Variants in GTPBP10 observed in about 807,000 individuals in gnomAD.
GTPBP10 encodes the protein GTP-binding protein 10.
GTPBP10 carries 38 observed loss-of-function variants against 44.8 expected under a neutral mutation model. The observed-to-expected ratio is 0.85, with a 90% CI of 0.65 to 1.11. The LOEUF (loss-of-function observed/expected upper bound fraction) is 1.11, where lower values mean the gene tolerates loss of function less well. Among genes scored for constraint, GTPBP10 ranks in the 50% most tolerant of loss-of-function variants. GTPBP10 has a pLI of 0.00. For synonymous variants in GTPBP10, 152 were observed against 150.6 expected (o/e 1.01, Z -0.07); for missense variants, 462 against 453.7 (o/e 1.02, Z -0.17).
chr7:90,377,848 A>G (rs529425113), intron 7 of GTPBP10: 71 of 266,358 alleles, frequency 2.7e-4, no homozygotes, highest in Non-Finnish European at 7.6e-5. Flanking sequence ...ATAGTATCAT[A>G]GTATCTCTTT....
chr7:90,358,009 C>T (rs1795940143), intron 4 of GTPBP10, among the ~76,000 whole-genome samples: 1 of 152,056 alleles, frequency 6.6e-6, no homozygotes, highest in African/African-American at 2.4e-5. Flanking sequence ...TGTTTGCCCA[C>T]CATATGATCT....
At chr7:90,350,109 C>T (rs181619964) in intron 1 of GTPBP10, among the ~76,000 whole-genome samples, 1 of 151,618 alleles carries the variant, frequency 6.6e-6, no homozygotes, top group Non-Finnish European at 1.5e-5. Flanking sequence ...GTGTGATGTT[C>T]CCCCCGTGTC....
chr7:90,347,450 T>G (rs1795699622), intron 1 of GTPBP10: 1 of 178,860 alleles, frequency 5.6e-6, no homozygotes, highest in Non-Finnish European at 1.1e-5. Context: ...TTAATGGAAC[T>G]GTAGAAACTC....
At chr7:90,351,917 C>G (rs749053018) in intron 1 of GTPBP10, among the ~76,000 whole-genome samples, 2 of 152,102 alleles carry the variant, frequency 1.3e-5, no homozygotes, top group African/African-American at 4.8e-5. Context: ...AGGATGGTCT[C>G]GATCTCCTGA....
Position 90,346,770 on chromosome 7 carries a change from G to T in GTPBP10, c.29G>T (p.Arg10Ile). ...GTGCATTGCAGTTGCGTGTTGTTCA[G>T]AAAGGTCCGTGCGGGTCCCCTCAGC... MVHCSCVLF[R>I]KYGNFIDKLR... is the part of the protein sequence containing the mutation. Residue 10 changes from arginine to isoleucine, a missense_variant, in exon 1 of 10, where the codon AGA becomes ATA. Transcript: ENST00000222511. 6.2e-7 allele frequency: 1 copy of T among 1,614,252 alleles called. No homozygotes were observed. The highest frequency in any genetic ancestry group is 1.3e-5 in the African/African-American group (1 of 75,074).
At chr7:90,359,278 A>G (rs1323933586) in intron 4 of GTPBP10, among the ~76,000 whole-genome samples, 3 of 152,020 alleles carry the variant, frequency 2.0e-5, no homozygotes, top group Non-Finnish European at 4.4e-5. Context: ...CATATCTCCT[A>G]ATGCTATCCC....
chr7:90,389,271 T>A lies in GTPBP10; in HGVS notation c.*4117T>A, dbSNP rs1796575337. ...GGTACTGGGCTGAGTAAATCACATATTTTAACTTATTTAAACACTGCACTG... is the reference window on the plus strand; with the variant it reads ...GGTACTGGGCTGAGTAAATCACATAATTTAACTTATTTAAACACTGCACTG... On this transcript the variant is annotated 3_prime_UTR_variant, in exon 10 of 10. Coordinates refer to ENST00000222511, the MANE Select transcript of GTPBP10 (RefSeq NM_033107.4). The A allele has an allele frequency of 6.6e-6, 1 of 152,212 alleles. No homozygotes were observed. The highest frequency in any genetic ancestry group is 6.5e-5 in the Admixed American group (1 of 15,284). The allele number at this position is 152,212 out of a possible 1,614,324, so 9.4% of individuals were successfully genotyped here.
intron 1 of GTPBP10, among the ~76,000 whole-genome samples, chr7:90,351,657 A>G (rs939494755): frequency 2.0e-5 from 3 of 152,208 alleles, no homozygotes; most frequent in African/African-American, 7.2e-5. Flanking sequence ...GTGTTGTTCA[A>G]GGGTCAACTG....
In GTPBP10 at chr7:90,362,055, A is replaced by G. The variant is rs1035759524; in HGVS notation, c.464+6825A>G. On this transcript the variant is annotated intron_variant, in intron 4 of 9. Coordinates refer to ENST00000222511, the MANE Select transcript of GTPBP10 (RefSeq NM_033107.4). The stretch of plus-strand genomic sequence containing the variant: ...TATTAGTCTTGCTAGCGGTCTATCA[A>G]TTTTGTTGATCTTTTCAAAAAACCA... Among the ~76,000 whole-genome samples the G allele has an allele frequency of 3.3e-5, 5 of 151,264 alleles. 1 individual carries two copies. The highest frequency in any genetic ancestry group is 2.1e-4 in the South Asian group (1 of 4,788).
chr7:90,358,410 G>A (rs1056461625), intron 4 of GTPBP10, among the ~76,000 whole-genome samples: 2 of 152,006 alleles, frequency 1.3e-5, no homozygotes, highest in African/African-American at 4.8e-5. Context: ...GGTATTGACA[G>A]AGAAGTAGGT....
At chr7:90,365,450 A>T (rs1584636765) in intron 4 of GTPBP10, among the ~76,000 whole-genome samples, 3 of 130,572 alleles carry the variant, frequency 2.3e-5, no homozygotes, top group African/African-American at 8.9e-5. Context: ...ATCTCGGCTC[A>T]CTGCAAGCTC....
At chr7:90,368,176 G>T (rs1049068646) in intron 4 of GTPBP10, among the ~76,000 whole-genome samples, 3 of 152,146 alleles carry the variant, frequency 2.0e-5, no homozygotes, top group Non-Finnish European at 4.4e-5. Context: ...GCTTCCCTTT[G>T]TGGGTAACCG....
In GTPBP10 at chr7:90,389,594, C is replaced by G. The variant is rs1487149342; in HGVS notation, c.*4440C>G. The G allele has an allele frequency of 6.6e-6, 1 of 151,404 alleles. No individual in the cohort carries two copies. Among genetic ancestry groups the G allele is most frequent in the Non-Finnish European group, 1.5e-5 (1 of 67,908 alleles). The allele number at this position is 151,404 out of a possible 1,614,324, so 9.4% of individuals were successfully genotyped here. On this transcript the variant is annotated 3_prime_UTR_variant, in exon 10 of 10. Transcript: ENST00000222511. ...TAGAGACGGGGTTTCACCATGTTGGCCAGGATGGGAAAATTTTTTAAAAGA... is the reference window on the plus strand; with the variant it reads ...TAGAGACGGGGTTTCACCATGTTGGGCAGGATGGGAAAATTTTTTAAAAGA...
rs768346932 is a variant in GTPBP10, at chr7:90,389,544, G to C, written c.*4390G>C. ...TGGGATTACAGGCATCCACCACCAC[G>C]TCCAGCTAATTTTTGTATTTTTAGT... On this transcript the variant is annotated 3_prime_UTR_variant, in exon 10 of 10. Coordinates refer to ENST00000222511, the MANE Select transcript of GTPBP10 (RefSeq NM_033107.4). 1 of 151,542 alleles carries C rather than the reference G, an allele frequency of 6.6e-6. No individual in the cohort carries two copies. The highest frequency in any genetic ancestry group is 2.0e-4 in the East Asian group (1 of 5,124). 9.4% of individuals were successfully genotyped at this position (151,542 alleles called of 1,614,324 possible).
At chr7:90,376,988 CTAAGG>C (rs1374265901) in intron 6 of GTPBP10, among the ~76,000 whole-genome samples, 1 of 152,164 alleles carries the variant, frequency 6.6e-6, no homozygotes, top group Non-Finnish European at 1.5e-5. Context: ...CTTTGGGAGG[CTAAGG>C]TGAGAGGATC....
chr7:90,347,956 G>A (rs76443713), intron 1 of GTPBP10, among the ~76,000 whole-genome samples: 1 of 152,194 alleles, frequency 6.6e-6, no homozygotes, highest in African/African-American at 2.4e-5. Flanking sequence ...AACTAGGCAT[G>A]GTAGGTGAGC....
intron 4 of GTPBP10, among the ~76,000 whole-genome samples, chr7:90,359,361 A>G (rs1021548723): frequency 6.6e-6 from 1 of 150,544 alleles, no homozygotes; most frequent in Non-Finnish European, 1.5e-5. Context: ...TTCCTTGTTC[A>G]GCTCCCACTT....
At chr7:90,351,702 AT>A (rs113531159) in intron 1 of GTPBP10, among the ~76,000 whole-genome samples, 283 of 148,024 alleles carry the variant, frequency 1.9e-3, no homozygotes, top group African/African-American at 5.0e-3. Flanking sequence ...TTTCATAAGC[AT>A]TTTTTTTTTT....
Position 90,377,529 on chromosome 7 carries a change from G to T in GTPBP10, c.614G>T (p.Gly205Val). The change falls in exon 7 of 10, where the codon GGT (glycine) becomes GTT (valine). Residue 205 changes from glycine (G) to valine (V), a missense_variant. Transcript: ENST00000222511. ...TAGATATCAGTAGCTGATCTTCCGGGTTTAATAGAAGGAGCACATATGAAC... is the reference window on the plus strand; with the variant it reads ...TAGATATCAGTAGCTGATCTTCCGGTTTTAATAGAAGGAGCACATATGAAC... ...FKQISVADLPGLIEGAHMNKG... is the reference protein window; with the variant it reads ...FKQISVADLPVLIEGAHMNKG... The T allele has an allele frequency of 6.2e-7, 1 of 1,608,590 alleles. No homozygotes were observed. Among genetic ancestry groups the T allele is most frequent in the Non-Finnish European group, 8.5e-7 (1 of 1,177,330 alleles).
Sources: allele counts gnomAD v4.1 joint callset (sites outside exome capture counted in the v4.1 genomes callset), GRCh38; gene constraint gnomAD v4.1.1; transcripts MANE v1.5; gene names NCBI Gene and HGNC (gene_info 2026-07-23, HGNC 2026-07-21).